NPNT: variants seen among roughly 807,000 people sequenced by gnomAD.
The protein encoded by NPNT is preosteoblast EGF-like repeat protein with MAM domain.
Under a neutral mutation model 68.6 loss-of-function variants are expected in NPNT, and 45 were observed. The ratio of observed to expected loss-of-function variants is 0.66; its 90% confidence interval spans 0.52 to 0.84. The LOEUF (loss-of-function observed/expected upper bound fraction) is 0.84. Among genes scored for constraint, NPNT ranks in the 40% least tolerant of loss-of-function variants. NPNT has a pLI of 0.00. For missense variants in NPNT, 672 were observed against 714.8 expected (o/e 0.94, Z 0.68); for synonymous variants, 233 against 253.3 (o/e 0.92, Z 0.76).
At chr4:105,927,577 A>T in intron 3 of NPNT, 149 bp downstream of exon 3, 1 of 416,438 alleles carries the variant, frequency 2.4e-6, no homozygotes. Context: ...TATATTAATG[A>T]TAAATATTGT....
chr4:105,911,573 G>C (rs1329004982), intron 2 of NPNT: 1 of 152,798 alleles, frequency 6.5e-6, no homozygotes, highest in Non-Finnish European at 1.5e-5. Flanking sequence ...GGTTATTTAT[G>C]TATGTTCAAG....
chr4:105,945,411 T>C (rs1730302230), intron 8 of NPNT, among the ~76,000 whole-genome samples: 1 of 152,142 alleles, frequency 6.6e-6, no homozygotes. Flanking sequence ...TGGATGAAAA[T>C]AGACGTCTCA....
rs1056722958 is a variant in NPNT at position 105,971,279 on chromosome 4, C to G, written c.*2289C>G. On this transcript the variant is annotated 3_prime_UTR_variant, in exon 12 of 12. Coordinates refer to ENST00000379987, the MANE Select transcript of NPNT (RefSeq NM_001033047.3). ...TTCAGTTTCTCTTATCAATTGGACTCTCCCAGGTTCCACAGAACAGTAATA... is the reference window on the plus strand; with the variant it reads ...TTCAGTTTCTCTTATCAATTGGACTGTCCCAGGTTCCACAGAACAGTAATA... 2 of 384,110 alleles carry G rather than the reference C, an allele frequency of 5.2e-6. No homozygotes were observed. The allele number at this position is 384,110 out of a possible 1,614,324, so 23.8% of individuals were successfully genotyped here.
In NPNT at chr4:105,968,887, C is replaced by T. The variant is rs751885293; in HGVS notation, c.1603-8C>T. 125 of 1,573,040 alleles carry T rather than the reference C, an allele frequency of 7.9e-5. No individual in the cohort carries two copies. Among genetic ancestry groups the T allele is most frequent in the Non-Finnish European group, 1.1e-4 (122 of 1,143,334 alleles). ...GAGGCTTGACTGGTGTGTGCATTCT[C>T]TCCCTAGGTCGTCTTCAAAGGTGAA... is the stretch of plus-strand genomic sequence containing the variant. On this transcript the variant is annotated splice_polypyrimidine_tract_variant and splice_region_variant and intron_variant, in intron 11 of 11. Coordinates refer to ENST00000379987, the MANE Select transcript of NPNT (RefSeq NM_001033047.3).
At chr4:105,901,521 A>G (rs758522502) in intron 2 of NPNT, among the ~76,000 whole-genome samples, 3 of 152,354 alleles carry the variant, frequency 2.0e-5, no homozygotes, top group South Asian at 2.1e-4. Flanking sequence ...AAGAAAAACT[A>G]AAAATACAAC....
At chr4:105,940,276 G>A in intron 6 of NPNT, 67 bp downstream of exon 6, 4 of 1,507,960 alleles carry the variant, frequency 2.7e-6, no homozygotes, top group Non-Finnish European at 3.7e-6. Context: ...CGTAATTGTG[G>A]TGATGGCTGG....
At chr4:105,958,945 C>G in intron 9 of NPNT, 83 bp from the exon 10 acceptor site, 2 of 845,422 alleles carry the variant, frequency 2.4e-6, no homozygotes, top group Non-Finnish European at 4.1e-6. Flanking sequence ...CACTTGTTGT[C>G]TAGATACCCC....
intron 8 of NPNT, among the ~76,000 whole-genome samples, chr4:105,955,797 A>G (rs900281371): frequency 6.7e-6 from 1 of 149,134 alleles, no homozygotes; most frequent in African/African-American, 2.5e-5. Flanking sequence ...CATAAACTCT[A>G]AAGTGTATCG....
Position 105,970,310 on chromosome 4 carries a change from T to G in NPNT, c.*1320T>G. 1 of 633,516 alleles carries G rather than the reference T, an allele frequency of 1.6e-6. No homozygotes were observed. The highest frequency in any genetic ancestry group is 2.8e-6 in the Non-Finnish European group (1 of 355,524). The allele number at this position is 633,516 out of a possible 1,614,324, so 39.2% of individuals were successfully genotyped here. On this transcript the variant is annotated 3_prime_UTR_variant, in exon 12 of 12. Transcript: ENST00000379987. ...AATATATTAAAAAACAATGTAACTT[T>G]TAAAAGGCATCATTCCTGAGGTTTG...
intron 8 of NPNT, among the ~76,000 whole-genome samples, chr4:105,945,526 T>G (rs1054275260): frequency 6.6e-6 from 1 of 152,218 alleles, no homozygotes; most frequent in Non-Finnish European, 1.5e-5. Context: ...TGCTAAGGTC[T>G]AATAATGTGG....
intron 9 of NPNT, 53 bp downstream of exon 9, chr4:105,958,610 A>G: frequency 1.9e-6 from 2 of 1,031,060 alleles, no homozygotes; most frequent in South Asian, 3.5e-5. Flanking sequence ...GTTTCTCTCC[A>G]TGAAAATAAC....
intron 2 of NPNT, among the ~76,000 whole-genome samples, chr4:105,915,312 GAGA>G (rs1374396140): frequency 6.6e-6 from 1 of 152,144 alleles, no homozygotes; most frequent in Non-Finnish European, 1.5e-5. Flanking sequence ...TGGGAACAAA[GAGA>G]AGGAGAGGGA....
intron 10 of NPNT, among the ~76,000 whole-genome samples, chr4:105,962,706 G>C (rs983641650): frequency 6.6e-6 from 1 of 152,120 alleles, no homozygotes; most frequent in Non-Finnish European, 1.5e-5. Flanking sequence ...CAGAGAGTTG[G>C]AAGGCAGGAT....
rs1160089475 is a variant in NPNT, at chr4:105,970,552, T to C, written c.*1562T>C. On this transcript the variant is annotated 3_prime_UTR_variant, in exon 12 of 12. Coordinates refer to ENST00000379987, the MANE Select transcript of NPNT (RefSeq NM_001033047.3). ...GGGTGGCGACCAGCTGTTCTCCATA[T>C]GCACTAAGAATAGAACAAGAGGAAA... 1.5e-6 allele frequency: 1 copy of C among 681,144 alleles called. No homozygotes were observed. Among genetic ancestry groups the C allele is most frequent in the African/African-American group, 1.8e-5 (1 of 56,894 alleles). The allele number at this position is 681,144 out of a possible 1,614,324, so 42.2% of individuals were successfully genotyped here. A position where few individuals can be genotyped will look rare whatever the true frequency, so the allele number is the denominator to read the frequency against.
At chr4:105,926,929 T>G (rs2149354011) in intron 2 of NPNT, 1 of 152,770 alleles carries the variant, frequency 6.5e-6, no homozygotes, top group Admixed American at 6.5e-5. Flanking sequence ...AATTTATCTG[T>G]ATTTCATACA....
intron 8 of NPNT, among the ~76,000 whole-genome samples, chr4:105,945,001 C>G (rs557901510): frequency 6.6e-6 from 1 of 152,300 alleles, no homozygotes; most frequent in African/African-American, 2.4e-5. Context: ...CTTCTTAAAT[C>G]ATCCTTATTC....
chr4:105,938,526 T>C, intron 5 of NPNT, 106 bp downstream of exon 5: 1 of 1,101,152 alleles, frequency 9.1e-7, no homozygotes, highest in South Asian at 1.5e-5. Flanking sequence ...TTACATCAGA[T>C]AATTAGCTAT....
At chr4:105,958,992 T>C (rs1467201622) in intron 9 of NPNT, 36 bp from the exon 10 acceptor site, 1 of 1,346,796 alleles carries the variant, frequency 7.4e-7, no homozygotes, top group Non-Finnish European at 1.1e-6. Context: ...TTGTTGATTT[T>C]CTGATCCACT....
At chr4:105,921,324 G>A (rs755508131) in intron 2 of NPNT, among the ~76,000 whole-genome samples, 1 of 152,050 alleles carries the variant, frequency 6.6e-6, no homozygotes, top group African/African-American at 2.4e-5. Flanking sequence ...ATGGAACTGG[G>A]ATAAGACATT....
Sources: gnomAD v4.1 joint callset for allele counts (sites outside exome capture counted in the v4.1 genomes callset) on GRCh38, gnomAD v4.1.1 for gene constraint, MANE v1.5 for transcripts, NCBI Gene and HGNC (gene_info 2026-07-23, HGNC 2026-07-21) for gene names.